Variants in NEGR1 observed in about 807,000 individuals in gnomAD.
NEGR1 encodes IgLON family member 4.
In NEGR1, 10 loss-of-function variants were observed where a neutral mutation model predicts 40.9. That is an observed-to-expected ratio of 0.24 (90% CI 0.15 to 0.42). The LOEUF is 0.42. Among genes scored for constraint, NEGR1 ranks in the 10% least tolerant of loss-of-function variants. The pLI is 1.00. For synonymous variants in NEGR1, 185 were observed against 166.8 expected, an observed-to-expected ratio of 1.11 and a Z score of -0.84; for missense variants, 352 against 438.9, an observed-to-expected ratio of 0.80 and a Z score of 1.77.
chr1:72,006,328 A>T (rs1194817158), intron 1 of NEGR1, among the ~76,000 whole-genome samples: 2 of 152,186 alleles, frequency 1.3e-5, no homozygotes, highest in Non-Finnish European at 2.9e-5. Flanking sequence ...AGCCTAGGAT[A>T]GAAAAGGCCT....
intron 1 of NEGR1, among the ~76,000 whole-genome samples, chr1:71,983,330 G>A (rs1162486305): frequency 6.6e-6 from 1 of 151,926 alleles, no homozygotes; most frequent in Non-Finnish European, 1.5e-5. Context: ...TTCTACACAG[G>A]GTTATCTGGA....
intron 4 of NEGR1, among the ~76,000 whole-genome samples, chr1:71,634,808 G>A (rs373347228): frequency 9.9e-5 from 15 of 152,094 alleles, no homozygotes; most frequent in Admixed American, 8.5e-4. Context: ...TTCATAGAAG[G>A]GTCTTAGATA....
chr1:71,850,681 G>A (rs1458793946), intron 2 of NEGR1, among the ~76,000 whole-genome samples: 4 of 151,860 alleles, frequency 2.6e-5, no homozygotes, highest in Non-Finnish European at 5.9e-5. Context: ...TGTTTTTCTT[G>A]TTAACTTGGG....
At chr1:71,629,852 G>A (rs374609316) in intron 4 of NEGR1, among the ~76,000 whole-genome samples, 15 of 151,932 alleles carry the variant, frequency 9.9e-5, no homozygotes, top group Admixed American at 8.5e-4. Context: ...AATTTAATGT[G>A]GATGGTCTTG....
chr1:72,033,906 C>G (rs1017501879), intron 1 of NEGR1, among the ~76,000 whole-genome samples: 1 of 152,116 alleles, frequency 6.6e-6, no homozygotes, highest in African/African-American at 2.4e-5. Flanking sequence ...TAAAACACCC[C>G]CTACGGTGTG....
At chr1:72,111,975 G>A (rs1312259960) in intron 1 of NEGR1, among the ~76,000 whole-genome samples, 1 of 151,692 alleles carries the variant, frequency 6.6e-6, no homozygotes, top group African/African-American at 2.4e-5. Context: ...CTTAGGTGAC[G>A]ATCATTAAGT....
At chr1:72,041,672 AT>A (rs1646955622) in intron 1 of NEGR1, among the ~76,000 whole-genome samples, 1 of 149,826 alleles carries the variant, frequency 6.7e-6, no homozygotes, top group South Asian at 2.1e-4. Flanking sequence ...TGTTGAAATG[AT>A]TTATGTTATG....
intron 2 of NEGR1, among the ~76,000 whole-genome samples, chr1:71,926,605 G>A (rs1645776140): frequency 6.7e-6 from 1 of 149,964 alleles, no homozygotes; most frequent in Non-Finnish European, 1.5e-5. Context: ...AAAAAAAAGA[G>A]ATGACTCAGA....
intron 6 of NEGR1, among the ~76,000 whole-genome samples, chr1:71,549,640 CTG>C (rs1484601902): frequency 1.3e-5 from 2 of 151,656 alleles, no homozygotes; most frequent in Non-Finnish European, 3.0e-5. Context: ...AGTAGTGAAA[CTG>C]GATGAATCTA....
intron 1 of NEGR1, among the ~76,000 whole-genome samples, chr1:72,038,009 T>C (rs1304512279): frequency 6.6e-6 from 1 of 152,118 alleles, no homozygotes; most frequent in Non-Finnish European, 1.5e-5. Context: ...CTAGCATTAA[T>C]GATTCTTAAC....
At chr1:71,465,982 G>A (rs1415076515) in intron 6 of NEGR1, among the ~76,000 whole-genome samples, 2 of 152,118 alleles carry the variant, frequency 1.3e-5, no homozygotes, top group Admixed American at 6.6e-5. Context: ...AGCATTTTAT[G>A]TATTCTCTAA....
At chr1:72,127,597 A>G (rs1423659399) in intron 1 of NEGR1, among the ~76,000 whole-genome samples, 1 of 152,064 alleles carries the variant, frequency 6.6e-6, no homozygotes, top group Non-Finnish European at 1.5e-5. Flanking sequence ...AAGGTGGTAT[A>G]AAAGCCTAAT....
chr1:72,149,896 A>G (rs1414761000), intron 1 of NEGR1, among the ~76,000 whole-genome samples: 1 of 150,558 alleles, frequency 6.6e-6, no homozygotes, highest in Non-Finnish European at 1.5e-5. Flanking sequence ...AAAAAAAAAA[A>G]AAAAAGAAAG....
chr1:72,131,998 C>T (rs1404220318), intron 1 of NEGR1, among the ~76,000 whole-genome samples: 1 of 152,066 alleles, frequency 6.6e-6, no homozygotes, highest in Non-Finnish European at 1.5e-5. Flanking sequence ...ACTTGGGGTC[C>T]TGAGGCAGGA....
chr1:71,774,501 G>A (rs1656435143), intron 3 of NEGR1, among the ~76,000 whole-genome samples: 1 of 152,098 alleles, frequency 6.6e-6, no homozygotes, highest in Non-Finnish European at 1.5e-5. Flanking sequence ...TGTGATGTGG[G>A]TAAGATTGAT....
intron 1 of NEGR1, among the ~76,000 whole-genome samples, chr1:72,123,401 T>G (rs1271468982): frequency 1.3e-5 from 2 of 151,874 alleles, no homozygotes; most frequent in Non-Finnish European, 2.9e-5. Flanking sequence ...TACCTTTTGT[T>G]TAAAACCGTA....
chr1:71,595,930 A>G (rs1227535964), intron 5 of NEGR1, among the ~76,000 whole-genome samples: 1 of 152,040 alleles, frequency 6.6e-6, no homozygotes, highest in Non-Finnish European at 1.5e-5. Flanking sequence ...ATTTATTCTA[A>G]TATGATTGTC....
intron 6 of NEGR1, among the ~76,000 whole-genome samples, chr1:71,546,060 G>A (rs115621913): frequency 6.6e-6 from 1 of 151,706 alleles, no homozygotes; most frequent in Non-Finnish European, 1.5e-5. Flanking sequence ...AGAAGGAAAA[G>A]TAATATTTAG....
chr1:71,970,899 C>G (rs371157383), intron 1 of NEGR1, among the ~76,000 whole-genome samples: 1 of 152,120 alleles, frequency 6.6e-6, no homozygotes, highest in African/African-American at 2.4e-5. Context: ...TTCAGCTCCA[C>G]CATTGTACTG....
Sources: gnomAD v4.1 joint callset for allele counts (sites outside exome capture counted in the v4.1 genomes callset) on GRCh38, gnomAD v4.1.1 for gene constraint, MANE v1.5 for transcripts, NCBI Gene and HGNC (gene_info 2026-07-23, HGNC 2026-07-21) for gene names.